The following STON2 variants were observed in gnomAD, a reference collection of about 807,000 sequenced individuals.
STON2 encodes stonin 2, also known as stonin-2.
In STON2, 29 loss-of-function variants were observed where a neutral mutation model predicts 65.7. That is an observed-to-expected ratio of 0.44 (90% CI 0.33 to 0.60). STON2 has a LOEUF of 0.60. STON2 is among the 20% of genes least tolerant of loss of function. The pLI, the probability that STON2 is intolerant of heterozygous loss-of-function variation, is 0.03. For synonymous variants in STON2, 404 were observed against 414.2 expected (o/e 0.98, Z 0.30); for missense variants, 1,054 against 1,118.1 (o/e 0.94, Z 0.82).
chr14:81,284,043 T>C (rs1162790010), intron 5 of STON2, among the ~76,000 whole-genome samples: 1 of 152,242 alleles, frequency 6.6e-6, no homozygotes, highest in East Asian at 1.9e-4. Context: ...TGTGCCCATA[T>C]AAGATGGTAA....
intron 2 of STON2, among the ~76,000 whole-genome samples, chr14:81,419,974 G>A (rs1448365123): frequency 1.3e-5 from 2 of 152,164 alleles, no homozygotes; most frequent in African/African-American, 2.4e-5. Flanking sequence ...AGGGGCTGGT[G>A]CTTGGACAGG....
rs1339073153 is a variant in STON2, at chr14:81,398,401, A to ATC, written c.-21_-20dup. The ATC allele has an allele frequency of 6.2e-7, 1 of 1,604,162 alleles. No homozygotes were observed. The highest frequency in any genetic ancestry group is 1.3e-5 in the African/African-American group (1 of 74,834). On this transcript the variant is annotated 5_prime_UTR_variant, in exon 2 of 8. The change creates a new upstream start codon in the 5' untranslated region. Transcript: ENST00000614646. ...TCGTCATGCTAAAAAGGCACTGGTC[A>ATC]TCTTCACACTGCTGACCTCAGGTGA...
chr14:81,262,628 C>G lies in STON2; in HGVS notation c.*5786G>C, dbSNP rs1894193946. Reference sequence around the variant, plus strand: ...CATCCAATGATCATTTGCCTCTCTCCAGGCACTACCAAACTCATTACTGTG... The same window carrying G: ...CATCCAATGATCATTTGCCTCTCTCGAGGCACTACCAAACTCATTACTGTG... On this transcript the variant is annotated 3_prime_UTR_variant, in exon 8 of 8. Transcript: ENST00000614646. 1.0e-6 allele frequency: 1 copy of G among 985,238 alleles called. No homozygotes were observed. The allele number at this position is 985,238 out of a possible 1,614,324, so 61.0% of individuals were successfully genotyped here. A position where few individuals can be genotyped will look rare whatever the true frequency, so the allele number is the denominator to read the frequency against.
chr14:81,416,957 C>T (rs1352239393), intron 2 of STON2, among the ~76,000 whole-genome samples: 1 of 152,148 alleles, frequency 6.6e-6, no homozygotes, highest in African/African-American at 2.4e-5. Flanking sequence ...GGTAGCTCTA[C>T]AATGAAGTCA....
chr14:81,361,457 T>C (rs1251573515), intron 4 of STON2, among the ~76,000 whole-genome samples: 1 of 152,018 alleles, frequency 6.6e-6, no homozygotes, highest in African/African-American at 2.4e-5. Flanking sequence ...TGCAGAAGAA[T>C]AAAATTAGAC....
intron 3 of STON2, among the ~76,000 whole-genome samples, chr14:81,382,223 AAAAAG>A (rs3044278): frequency 3.8e-4 from 57 of 151,068 alleles, no homozygotes; most frequent in African/African-American, 9.3e-4. Flanking sequence ...TGTCTCAAAA[AAAAAG>A]AAAAGAAAAG....
intron 2 of STON2, among the ~76,000 whole-genome samples, chr14:81,407,276 CA>C (rs1486337926): frequency 7.9e-5 from 12 of 152,146 alleles, no homozygotes; most frequent in African/African-American, 2.9e-4. Context: ...CATCTAAATA[CA>C]GGTCATTTCA....
chr14:81,295,276 GATT>G (rs1001283431), intron 5 of STON2, among the ~76,000 whole-genome samples: 1 of 152,190 alleles, frequency 6.6e-6, no homozygotes, highest in Non-Finnish European at 1.5e-5. Flanking sequence ...AGTGAGCCGA[GATT>G]GTGCCATTGC....
intron 1 of STON2, among the ~76,000 whole-genome samples, chr14:81,434,751 G>A (rs553086132): frequency 1.3e-5 from 2 of 152,042 alleles, no homozygotes; most frequent in African/African-American, 2.4e-5. Context: ...GCTACATGTC[G>A]ATATTTTAAG....
At chr14:81,394,942 A>G (rs1900243590) in intron 3 of STON2, 1 of 152,188 alleles carries the variant, frequency 6.6e-6, no homozygotes, top group Admixed American at 6.5e-5. Flanking sequence ...TACAGCAGCA[A>G]ATAGAAAACT....
chr14:81,275,135 TATA>T (rs376681889), intron 6 of STON2, among the ~76,000 whole-genome samples: 3 of 151,704 alleles, frequency 2.0e-5, no homozygotes, highest in Middle Eastern at 3.4e-3. Context: ...CTTTGTTGCT[TATA>T]ATAATAATAA....
rs1285015978 is a variant in STON2, at chr14:81,412,088, G to A, written c.-198-13508C>T. ...GGAATAGAGTAGGCAAGAGGCATGAGAGGTTGTAAAGGTCATGAGTTTTTA... is the reference window on the plus strand; with the variant it reads ...GGAATAGAGTAGGCAAGAGGCATGAAAGGTTGTAAAGGTCATGAGTTTTTA... On this transcript the variant is annotated intron_variant, in intron 2 of 8. Transcript: ENST00000553821. 1.4e-5 allele frequency among the ~76,000 whole-genome samples: 2 copies of A among 140,166 alleles called. 1 individual carries two copies. The highest frequency in any genetic ancestry group is 5.9e-5 in the African/African-American group (2 of 34,186). The allele number at this position is 140,166 out of a possible 152,430, so 92.0% of individuals were successfully genotyped here. A position where few individuals can be genotyped will look rare whatever the true frequency, so the allele number is the denominator to read the frequency against.
intron 4 of STON2, among the ~76,000 whole-genome samples, chr14:81,327,065 C>T (rs946750703): frequency 2.0e-5 from 3 of 152,070 alleles, no homozygotes; most frequent in Non-Finnish European, 4.4e-5. Context: ...GGCTGAGGCA[C>T]GAGAATTGCT....
rs370421507 is a variant in STON2, at chr14:81,351,178, CT to C, written c.571+19809del. ...CTAAGGTATTTTGAGGTAAGCTCTT[CT>C]TTTTTTTTTTTTTTTTCTGGTGGGA... On this transcript the variant is annotated intron_variant, in intron 4 of 7. Coordinates refer to ENST00000614646, the MANE Select transcript of STON2 (RefSeq NM_001394390.1). Among the ~76,000 whole-genome samples the C allele has an allele frequency of 3.5e-3, 451 of 127,886 alleles. 6 individuals carry two copies. The highest frequency in any genetic ancestry group is 3.7e-3 in the Non-Finnish European group (221 of 60,214). 83.9% of individuals were successfully genotyped at this position (127,886 alleles called of 152,430 possible).
intron 4 of STON2, among the ~76,000 whole-genome samples, chr14:81,336,799 G>A (rs1897388568): frequency 6.6e-6 from 1 of 152,154 alleles, no homozygotes; most frequent in African/African-American, 2.4e-5. Flanking sequence ...AGATGGCTCA[G>A]GTTGGAGTGA....
At chr14:81,321,764 A>G (rs1896829192) in intron 5 of STON2, among the ~76,000 whole-genome samples, 1 of 152,202 alleles carries the variant, frequency 6.6e-6, no homozygotes, top group Admixed American at 6.5e-5. Flanking sequence ...GGGAGTGTAT[A>G]AAAGATGTAC....
intron 4 of STON2, among the ~76,000 whole-genome samples, chr14:81,356,260 GATAATC>G (rs1201896454): frequency 6.6e-6 from 1 of 152,124 alleles, no homozygotes; most frequent in African/African-American, 2.4e-5. Context: ...CATCTATTGA[GATAATC>G]ATGTGGTTTT....
chr14:81,379,302 A>G (rs1156946695), intron 3 of STON2, among the ~76,000 whole-genome samples: 3 of 152,326 alleles, frequency 2.0e-5, no homozygotes, highest in African/African-American at 7.2e-5. Context: ...AAGCATATGT[A>G]GTATCAAACC....
chr14:81,301,459 CA>C (rs1895965083), intron 5 of STON2, among the ~76,000 whole-genome samples: 1 of 151,050 alleles, frequency 6.6e-6, no homozygotes. Flanking sequence ...AAAGCAATTA[CA>C]ATACAACACA....
Sources: gnomAD v4.1 joint callset for allele counts (sites outside exome capture counted in the v4.1 genomes callset) on GRCh38, gnomAD v4.1.1 for gene constraint, MANE v1.5 for transcripts, NCBI Gene and HGNC (gene_info 2026-07-23, HGNC 2026-07-21) for gene names.